CALU: variants seen among roughly 807,000 people sequenced by gnomAD.
The protein encoded by CALU is calumenin, also known as IEF SSP 9302.
CALU carries 13 observed loss-of-function variants against 37.5 expected under a neutral mutation model. The observed-to-expected ratio is 0.35, with a 90% CI of 0.23 to 0.55. The LOEUF (loss-of-function observed/expected upper bound fraction) is 0.55. Ranked by LOEUF, CALU falls within the 20% of genes least tolerant of loss-of-function variation. The pLI is 0.89. For missense variants in CALU, 282 were observed against 391.7 expected (o/e 0.72, Z 2.36); for synonymous variants, 114 against 133.8 (o/e 0.85, Z 1.02).
chr7:128,754,367 A>G lies in CALU; in HGVS notation c.327A>G (p.Val109=), dbSNP rs1800786846. The G allele has an allele frequency of 6.2e-7, 1 of 1,614,080 alleles. No homozygotes were observed. The highest frequency in any genetic ancestry group is 1.3e-5 in the African/African-American group (1 of 74,936). The change falls in exon 3 of 7, where the codon GTA becomes GTG. Residue 109 remains valine, a synonymous_variant. Transcript: ENST00000249364. ...FAQKRWIYED[V]ERQWKGHDLN... is the part of the protein sequence containing the mutation. ...AAAAGCGCTGGATTTACGAGGATGT[A>G]GAGCGACAGTGGAAGGGGCATGACC...
intron 2 of CALU, among the ~76,000 whole-genome samples, chr7:128,751,325 TAGA>T (rs1800665644): frequency 6.6e-6 from 1 of 151,634 alleles, no homozygotes; most frequent in Admixed American, 6.6e-5. Context: ...ATATTTACTA[TAGA>T]AGTGAACTAG....
At chr7:128,748,259 C>A in intron 1 of CALU, 2 of 828,312 alleles carry the variant, frequency 2.4e-6, no homozygotes, top group Non-Finnish European at 1.9e-6. Context: ...TTCTTATGAA[C>A]TTGGGCAAAA....
intron 5 of CALU, among the ~76,000 whole-genome samples, chr7:128,761,030 T>C (rs1264301123): frequency 6.6e-6 from 1 of 152,256 alleles, no homozygotes; most frequent in Non-Finnish European, 1.5e-5. Flanking sequence ...CTGATCCCTC[T>C]TGTAGCCATT....
intron 5 of CALU, among the ~76,000 whole-genome samples, chr7:128,764,859 T>TA (rs1382229178): frequency 2.0e-5 from 3 of 152,150 alleles, no homozygotes; most frequent in Non-Finnish European, 2.9e-5. Context: ...GATATTGTCT[T>TA]AAAAAAATAA....
At chr7:128,748,916 A>G in intron 2 of CALU, 112 bp downstream of exon 2, 2 of 664,074 alleles carry the variant, frequency 3.0e-6, no homozygotes, top group Non-Finnish European at 5.1e-6. Flanking sequence ...CTATTAATAC[A>G]TCTTCTGAAA....
chr7:128,754,316 G>A lies in CALU; in HGVS notation c.276G>A (p.Glu92=), dbSNP rs373909155. 1 of 1,613,966 alleles carries A rather than the reference G, an allele frequency of 6.2e-7. No individual in the cohort carries two copies. Among genetic ancestry groups the A allele is most frequent in the African/African-American group, 1.3e-5 (1 of 74,916 alleles). Residue 92 remains glutamate, a synonymous_variant, in exon 3 of 7, where the codon GAG becomes GAA. Coordinates refer to ENST00000249364, the MANE Select transcript of CALU (RefSeq NM_001219.5). ...AGGACGGGTTTGTCACTGTGGATGA[G>A]CTCAAAGACTGGATTAAATTTGCAC... ...GDKDGFVTVD[E]LKDWIKFAQK... is the part of the protein sequence containing the mutation.
At chr7:128,764,976 C>T (rs892161185) in intron 5 of CALU, among the ~76,000 whole-genome samples, 1 of 152,122 alleles carries the variant, frequency 6.6e-6, no homozygotes, top group Non-Finnish European at 1.5e-5. Context: ...TGTTGGTGTG[C>T]AGTGGCACAA....
At chr7:128,760,812 G>A (rs1351987623) in intron 5 of CALU, among the ~76,000 whole-genome samples, 1 of 152,192 alleles carries the variant, frequency 6.6e-6, no homozygotes, top group Non-Finnish European at 1.5e-5. Flanking sequence ...GGACGCTGAG[G>A]CAGGAGAATG....
chr7:128,769,059 T>G lies in CALU; in HGVS notation c.844-4T>G, dbSNP rs1801454989. On this transcript the variant is annotated splice_region_variant and splice_polypyrimidine_tract_variant and intron_variant, in intron 6 of 6. Coordinates refer to ENST00000249364, the MANE Select transcript of CALU (RefSeq NM_001219.5). Reference sequence around the variant, plus strand: ...CTTCAATTCATTGCTATCTCTACTTTCAGGATGGCAAGCTTACCAAGGAGG... The same window carrying G: ...CTTCAATTCATTGCTATCTCTACTTGCAGGATGGCAAGCTTACCAAGGAGG... 5 of 1,566,306 alleles carry G rather than the reference T, an allele frequency of 3.2e-6. No homozygotes were observed. Among genetic ancestry groups the G allele is most frequent in the Non-Finnish European group, 4.4e-6 (5 of 1,137,166 alleles).
intron 6 of CALU, 104 bp downstream of exon 6, chr7:128,767,759 A>G (rs1043338904): frequency 2.1e-6 from 2 of 936,196 alleles, no homozygotes; most frequent in African/African-American, 1.6e-5. Context: ...TAAGGTCTTA[A>G]TTAGTCTAAG....
In CALU at chr7:128,772,800, C is replaced by T. The variant is rs1026440721; in HGVS notation, c.*3633C>T. 9 of 1,120,852 alleles carry T rather than the reference C, an allele frequency of 8.0e-6. No individual in the cohort carries two copies. The highest frequency in any genetic ancestry group is 1.2e-5 in the Non-Finnish European group (9 of 757,716). 69.4% of individuals were successfully genotyped at this position (1,120,852 alleles called of 1,614,324 possible). On this transcript the variant is annotated 3_prime_UTR_variant, in exon 7 of 7. Transcript: ENST00000249364. ...TAGGTGGTTTTGAATCTATCTTCCCCATCCTGAAAACTATCTAGATTCCAG... is the reference window on the plus strand; with the variant it reads ...TAGGTGGTTTTGAATCTATCTTCCCTATCCTGAAAACTATCTAGATTCCAG...
chr7:128,764,801 A>C (rs183706855), intron 5 of CALU, among the ~76,000 whole-genome samples: 1 of 151,144 alleles, frequency 6.6e-6, no homozygotes, highest in Non-Finnish European at 1.5e-5. Flanking sequence ...TTTTTGTTTA[A>C]ATTTATAGGG....
At chr7:128,768,863 A>AAAAAAAAAAAAAAAAAAAAAAAAAG (rs1554368156) in intron 6 of CALU, among the ~76,000 whole-genome samples, 200 bp from the exon 7 acceptor site, 1 of 147,938 alleles carries the variant, frequency 6.8e-6, no homozygotes, top group Non-Finnish European at 1.5e-5. Context: ...AAAAAAAAAA[A>AAAAAAAAAAAAAAAAAAAAAAAAAG]AAAAACAAGG....
chr7:128,750,872 G>A (rs1320506387), intron 2 of CALU, among the ~76,000 whole-genome samples: 2 of 152,156 alleles, frequency 1.3e-5, no homozygotes, highest in East Asian at 1.9e-4. Context: ...AACACAGGAA[G>A]CATTTTAAAA....
intron 1 of CALU, among the ~76,000 whole-genome samples, chr7:128,741,712 A>G (rs1441768302): frequency 6.6e-6 from 1 of 152,244 alleles, no homozygotes; most frequent in Non-Finnish European, 1.5e-5. Context: ...AGTGTCACGC[A>G]TGTTACACAT....
rs781643469 is a variant in CALU, at chr7:128,758,977, G to A, written c.522G>A (p.Glu174=). 8 of 1,614,030 alleles carry A rather than the reference G, an allele frequency of 5.0e-6. No individual in the cohort carries two copies. Among genetic ancestry groups the A allele is most frequent in the South Asian group, 2.2e-5 (2 of 91,080 alleles). Residue 174 remains glutamate (E), a synonymous_variant, in exon 4 of 7, where the codon GAG becomes GAA. Coordinates refer to ENST00000249364, the MANE Select transcript of CALU (RefSeq NM_001219.5). ...ATGGAGACCTCATTGCCACCAAGGA[G>A]GAGTTCACAGCTTTCCTGCACCCTG... ...DKDGDLIATK[E]EFTAFLHPEE...
intron 5 of CALU, among the ~76,000 whole-genome samples, chr7:128,763,953 T>C (rs974773415): frequency 6.6e-6 from 1 of 152,258 alleles, no homozygotes; most frequent in Non-Finnish European, 1.5e-5. Context: ...TCTCTTTAGG[T>C]GTTTTCCCAT....
chr7:128,748,429 T>C (rs1800528984), intron 1 of CALU, 144 bp from the exon 2 acceptor site: 2 of 1,273,238 alleles, frequency 1.6e-6, no homozygotes, highest in Non-Finnish European at 2.2e-6. Flanking sequence ...ATTTTATGGA[T>C]GAAGTAATAT....
intron 5 of CALU, among the ~76,000 whole-genome samples, chr7:128,761,167 G>C (rs760068356): frequency 6.6e-6 from 1 of 151,468 alleles, no homozygotes; most frequent in Non-Finnish European, 1.5e-5. Context: ...AAATTGTTTT[G>C]GATGTCACAC....
Sources: gnomAD v4.1 joint callset for allele counts (sites outside exome capture counted in the v4.1 genomes callset) on GRCh38, gnomAD v4.1.1 for gene constraint, MANE v1.5 for transcripts, NCBI Gene and HGNC (gene_info 2026-07-23, HGNC 2026-07-21) for gene names.